Variants in HS3ST4 observed in about 807,000 individuals in gnomAD.
HS3ST4 encodes heparan sulfate-glucosamine 3-sulfotransferase 4, also known as heparan sulfate glucosamine 3-O-sulfotransferase 4.
HS3ST4 carries 17 observed loss-of-function variants against 29.2 expected under a neutral mutation model. The observed-to-expected ratio is 0.58, with a 90% CI of 0.40 to 0.87. HS3ST4 has a LOEUF of 0.87. Among genes scored for constraint, HS3ST4 ranks in the 40% least tolerant of loss-of-function variants. The pLI is 0.00. For missense variants in HS3ST4, 627 were observed against 634.5 expected (o/e 0.99, Z 0.13); for synonymous variants, 314 against 285.7 (o/e 1.10, Z -1.00).
chr16:25,749,898 G>A (rs917982726), intron 1 of HS3ST4, among the ~76,000 whole-genome samples: 7 of 152,244 alleles, frequency 4.6e-5, no homozygotes, highest in Admixed American at 6.5e-5. Context: ...ATGATTCACC[G>A]AAGTAACAGT....
intron 1 of HS3ST4, among the ~76,000 whole-genome samples, chr16:25,807,711 C>G (rs1233229161): frequency 6.6e-6 from 1 of 152,080 alleles, no homozygotes; most frequent in African/African-American, 2.4e-5. Flanking sequence ...GTTTAGTTTT[C>G]TAAGAAAATG....
At chr16:25,744,846 C>A (rs1192334837) in intron 1 of HS3ST4, among the ~76,000 whole-genome samples, 1 of 152,156 alleles carries the variant, frequency 6.6e-6, no homozygotes, top group African/African-American at 2.4e-5. Context: ...CCATGTAAGA[C>A]GTGAATTGCT....
intron 1 of HS3ST4, among the ~76,000 whole-genome samples, chr16:26,071,201 G>A (rs1177169743): frequency 3.3e-5 from 5 of 152,170 alleles, no homozygotes. Flanking sequence ...TTTGTGATGC[G>A]AGGAGGGAGC....
intron 1 of HS3ST4, among the ~76,000 whole-genome samples, chr16:25,966,671 T>C (rs1266577865): frequency 6.7e-6 from 1 of 149,706 alleles, no homozygotes; most frequent in Non-Finnish European, 1.5e-5. Context: ...GTGAGAATTA[T>C]ATCACTGTTC....
intron 1 of HS3ST4, among the ~76,000 whole-genome samples, chr16:26,076,172 G>A (rs1021953533): frequency 3.3e-5 from 5 of 152,198 alleles, no homozygotes; most frequent in Non-Finnish European, 5.9e-5. Context: ...AGGTACAGAT[G>A]ATATACTAAC....
chr16:25,693,082 A>G lies in HS3ST4; in HGVS notation c.665A>G (p.Asp222Gly). The G allele has an allele frequency of 6.2e-7, 1 of 1,608,730 alleles. No homozygotes were observed. Among genetic ancestry groups the G allele is most frequent in the South Asian group, 1.1e-5 (1 of 90,610 alleles). ...ALLEAIRVHPDVRAVGVEPHF... is the reference protein window; with the variant it reads ...ALLEAIRVHPGVRAVGVEPHF... ...CTGGAGGCGATCCGCGTGCACCCGG[A>G]CGTGCGGGCGGTGGGCGTAGAGCCG... Residue 222 changes from aspartate to glycine, a missense_variant, in exon 1 of 2, where the codon GAC becomes GGC. By Grantham distance (94) the Asp-to-Gly change is moderately conservative. Transcript: ENST00000331351.
chr16:25,872,866 T>C (rs1967769261), intron 1 of HS3ST4, among the ~76,000 whole-genome samples: 1 of 148,924 alleles, frequency 6.7e-6, no homozygotes, highest in Non-Finnish European at 1.5e-5. Flanking sequence ...TCTGTGGGTC[T>C]AGCTATTTCA....
intron 1 of HS3ST4, among the ~76,000 whole-genome samples, chr16:25,738,587 G>T (rs1450877053): frequency 6.6e-6 from 1 of 152,134 alleles, no homozygotes; most frequent in Non-Finnish European, 1.5e-5. Flanking sequence ...ACAATGCTCA[G>T]GACAGACCCA....
chr16:25,771,673 T>G (rs1262957765), intron 1 of HS3ST4, among the ~76,000 whole-genome samples: 1 of 152,142 alleles, frequency 6.6e-6, no homozygotes, highest in Non-Finnish European at 1.5e-5. Flanking sequence ...TGTCAATTCT[T>G]TGAAGCAGAG....
intron 1 of HS3ST4, among the ~76,000 whole-genome samples, chr16:26,046,936 A>C (rs1190999538): frequency 1.3e-5 from 2 of 152,198 alleles, no homozygotes; most frequent in African/African-American, 2.4e-5. Flanking sequence ...TTCAAATGTA[A>C]GCAAACTGGT....
rs1019485700 is a variant in HS3ST4, at chr16:25,838,053, C to T, written c.734+144902C>T. Among the ~76,000 whole-genome samples the T allele has an allele frequency of 1.2e-4, 18 of 152,186 alleles. No individual in the cohort carries two copies. The East Asian group carries it at 1.9e-3, about 16-fold the overall frequency. On this transcript the variant is annotated intron_variant, in intron 1 of 1. Transcript: ENST00000331351. ...CAGCCCAGCATGAAGGTGCAGAGAA[C>T]GGACCCTGGAACCAGATTGCCTGGG...
At chr16:25,695,833 G>C (rs537722087) in intron 1 of HS3ST4, among the ~76,000 whole-genome samples, 1 of 152,226 alleles carries the variant, frequency 6.6e-6, no homozygotes, top group South Asian at 2.1e-4. Context: ...TTGTTATTTT[G>C]TTTAAATGTG....
At chr16:25,959,215 G>T (rs532453518) in intron 1 of HS3ST4, among the ~76,000 whole-genome samples, 1 of 152,176 alleles carries the variant, frequency 6.6e-6, no homozygotes, top group Admixed American at 6.5e-5. Context: ...ACCTGATCCC[G>T]TTCCTCTTGA....
intron 1 of HS3ST4, among the ~76,000 whole-genome samples, chr16:25,769,150 A>G (rs1405278388): frequency 6.6e-6 from 1 of 152,052 alleles, no homozygotes; most frequent in African/African-American, 2.4e-5. Context: ...CAAGCAGGAG[A>G]CAGCTTGCAA....
chr16:25,951,470 A>G (rs1968682683), intron 1 of HS3ST4, among the ~76,000 whole-genome samples: 2 of 152,250 alleles, frequency 1.3e-5, no homozygotes, highest in Admixed American at 6.5e-5. Context: ...TGAGGATACA[A>G]GATAATAAAA....
At chr16:25,859,631 TA>T (rs1168351261) in intron 1 of HS3ST4, among the ~76,000 whole-genome samples, 1 of 152,172 alleles carries the variant, frequency 6.6e-6, no homozygotes, top group Non-Finnish European at 1.5e-5. Context: ...TTCCATGGTA[TA>T]AATCTTGCCT....
intron 1 of HS3ST4, among the ~76,000 whole-genome samples, chr16:26,113,591 C>T (rs1032659807): frequency 6.6e-6 from 1 of 151,402 alleles, no homozygotes; most frequent in African/African-American, 2.4e-5. Context: ...AGCTCTCAGC[C>T]TTCTTGGTTT....
chr16:25,921,675 G>A (rs1449730521), intron 1 of HS3ST4, among the ~76,000 whole-genome samples: 2 of 152,038 alleles, frequency 1.3e-5, no homozygotes, highest in African/African-American at 4.8e-5. Flanking sequence ...TTCTCCAGAT[G>A]TGAAGGAACC....
chr16:25,899,048 A>G (rs1968097219), intron 1 of HS3ST4, among the ~76,000 whole-genome samples: 2 of 152,172 alleles, frequency 1.3e-5, no homozygotes, highest in Non-Finnish European at 2.9e-5. Flanking sequence ...TACTTTTTCT[A>G]CCAACTGCAA....
Sources: gnomAD v4.1 joint callset for allele counts (sites outside exome capture counted in the v4.1 genomes callset) on GRCh38, gnomAD v4.1.1 for gene constraint, MANE v1.5 for transcripts, NCBI Gene and HGNC (gene_info 2026-07-23, HGNC 2026-07-21) for gene names.